The following RPS6KL1 variants were observed in gnomAD, a reference collection of about 807,000 sequenced individuals.
RPS6KL1 encodes the protein ribosomal protein S6 kinase-like 1.
A neutral mutation model predicts 57.0 loss-of-function variants in RPS6KL1; 41 were observed. The observed-to-expected ratio is 0.72, with a 90% CI of 0.56 to 0.93. RPS6KL1 has a LOEUF of 0.93. Ranked by LOEUF, RPS6KL1 falls within the 40% of genes least tolerant of loss-of-function variation. The pLI is 0.00. For missense variants in RPS6KL1, 697 were observed against 727.7 expected (o/e 0.96, Z 0.49); for synonymous variants, 287 against 309.7 (o/e 0.93, Z 0.77).
In RPS6KL1 at chr14:74,906,532, C is replaced by T. The variant is rs946588060; in HGVS notation, c.*482G>A. The stretch of plus-strand genomic sequence containing the variant: ...GCTTCTGGTGGAAGAGGCCTACTCG[C>T]TGTGTGACTAAGAGGACTAGCCAGG... On this transcript the variant is annotated 3_prime_UTR_variant, in exon 12 of 12. Coordinates refer to ENST00000557413, the MANE Select transcript of RPS6KL1 (RefSeq NM_031464.5). The T allele has an allele frequency of 1.9e-6, 1 of 517,512 alleles. No homozygotes were observed. The highest frequency in any genetic ancestry group is 5.6e-5 in the East Asian group (1 of 17,984). 32.1% of individuals were successfully genotyped at this position (517,512 alleles called of 1,614,324 possible). A position where few individuals can be genotyped will look rare whatever the true frequency, so the allele number is the denominator to read the frequency against.
intron 3 of RPS6KL1, among the ~76,000 whole-genome samples, 179 bp from the exon 4 acceptor site, chr14:74,920,148 G>A (rs187958554): frequency 2.5e-4 from 38 of 152,330 alleles, no homozygotes; most frequent in African/African-American, 9.1e-4. Context: ...GGGCCAGCCA[G>A]GAAGGAGGAG....
Position 74,922,489 on chromosome 14 carries a change from T to TTGGCAGACGGAATGACTGAG in RPS6KL1, c.-528-24_-528-5dup. The TTGGCAGACGGAATGACTGAG allele has an allele frequency of 3.5e-6, 1 of 284,580 alleles. No homozygotes were observed. The highest frequency in any genetic ancestry group is 5.3e-6 in the Non-Finnish European group (1 of 188,886). 17.6% of individuals were successfully genotyped at this position (284,580 alleles called of 1,614,324 possible). A position where few individuals can be genotyped will look rare whatever the true frequency, so the allele number is the denominator to read the frequency against. ...GCACAGAGCTGGGCTGTAAGAACTG[T>TTGGCAGACGGAATGACTGAG]TGGCAGACGGAATGACTGAGTGGCA... On this transcript the variant is annotated splice_region_variant and splice_polypyrimidine_tract_variant and intron_variant, in intron 1 of 11. Transcript: ENST00000557413.
Position 74,906,999 on chromosome 14 carries a change from AC to A in RPS6KL1, c.*14del. The A allele has an allele frequency of 1.3e-6, 2 of 1,582,334 alleles. No individual in the cohort carries two copies. Among genetic ancestry groups the A allele is most frequent in the Non-Finnish European group, 1.7e-6 (2 of 1,155,360 alleles). On this transcript the variant is annotated 3_prime_UTR_variant, in exon 12 of 12. Transcript: ENST00000557413. ...CCAGACCAGGCCAGCTGCTTCCGTC[AC>A]CCGCTCTGCCCTCTTACCCCACCAG...
At chr14:74,917,936 C>T (rs1296405672) in intron 5 of RPS6KL1, among the ~76,000 whole-genome samples, 3 of 152,020 alleles carry the variant, frequency 2.0e-5, no homozygotes, top group African/African-American at 7.2e-5. Context: ...CTGTGGGAAG[C>T]GGGAAGTGGG....
chr14:74,911,354 G>A lies in RPS6KL1; in HGVS notation c.558C>T (p.Ser186=). 3 of 1,609,336 alleles carry A rather than the reference G, an allele frequency of 1.9e-6. No homozygotes were observed. The highest frequency in any genetic ancestry group is 2.7e-5 in the African/African-American group (2 of 75,016). ...VKSLPRCHMV[S]RERLTIIPHG... is the part of the protein sequence containing the mutation. ...GTGGGATGATGGTCAGCCGCTCCCT[G>A]CTCACCATGTGGCACCTGGGTAGGC... The change falls in exon 7 of 12, where the codon AGC becomes AGT. Residue 186 remains serine (S), a synonymous_variant. Coordinates refer to ENST00000557413, the MANE Select transcript of RPS6KL1 (RefSeq NM_031464.5).
rs1409910557 is a variant in RPS6KL1 at position 74,906,264 on chromosome 14, G to C, written c.*750C>G. The C allele has an allele frequency of 6.3e-6, 2 of 316,596 alleles. No individual in the cohort carries two copies. The highest frequency in any genetic ancestry group is 8.0e-5 in the East Asian group (1 of 12,520). 19.6% of individuals were successfully genotyped at this position (316,596 alleles called of 1,614,324 possible). A position where few individuals can be genotyped will look rare whatever the true frequency, so the allele number is the denominator to read the frequency against. ...CCCCACACAGGCCCACTGGGGAGGA[G>C]GACTCTTGATTCTGGTTTCAGACTT... is the stretch of plus-strand genomic sequence containing the variant. On this transcript the variant is annotated 3_prime_UTR_variant, in exon 12 of 12. Transcript: ENST00000557413.
At position 74,907,601 on chromosome 14, in the gene RPS6KL1, AT is replaced by A. The variant is rs534302839; in HGVS notation, c.1444-72del. On this transcript the variant is annotated intron_variant, in intron 10 of 11. Coordinates refer to ENST00000557413, the MANE Select transcript of RPS6KL1 (RefSeq NM_031464.5). ...CGTCTACACTCCAGTGGCAGCCAGG[AT>A]TTTTTTTCCCCATGTCACAGCCCAT... is the stretch of plus-strand genomic sequence containing the variant. 51 of 1,437,204 alleles carry A rather than the reference AT, an allele frequency of 3.5e-5. No individual in the cohort carries two copies. In the Admixed American group the frequency reaches 5.9e-4, roughly 17 times the overall value. The allele number at this position is 1,437,204 out of a possible 1,614,324, so 89.0% of individuals were successfully genotyped here.
rs893988288 is a variant in RPS6KL1, at chr14:74,905,162, C to G, written c.*1852G>C. The G allele has an allele frequency of 1.1e-4, 17 of 152,170 alleles. No homozygotes were observed. Among genetic ancestry groups the G allele is most frequent in the Non-Finnish European group, 2.2e-4 (15 of 68,032 alleles). 9.4% of individuals were successfully genotyped at this position (152,170 alleles called of 1,614,324 possible). A position where few individuals can be genotyped will look rare whatever the true frequency, so the allele number is the denominator to read the frequency against. ...GAGCTGGGACCCACAGTATTCTAAA[C>G]TCAGGGCCCAACAAAGTGTCAGATG... is the stretch of plus-strand genomic sequence containing the variant. On this transcript the variant is annotated 3_prime_UTR_variant, in exon 12 of 12. Coordinates refer to ENST00000557413, the MANE Select transcript of RPS6KL1 (RefSeq NM_031464.5).
chr14:74,904,084 A>G lies in RPS6KL1; in HGVS notation c.*2930T>C, dbSNP rs1884426435. ...CAACTTAGTTTTATACATTTAATAC[A>G]TTTTAGGGAGACATAAGATACCAGT... On this transcript the variant is annotated 3_prime_UTR_variant, in exon 12 of 12. Transcript: ENST00000557413. 6.6e-6 allele frequency: 1 copy of G among 152,240 alleles called. No homozygotes were observed. Among genetic ancestry groups the G allele is most frequent in the African/African-American group, 2.4e-5 (1 of 41,462 alleles). 9.4% of individuals were successfully genotyped at this position (152,240 alleles called of 1,614,324 possible).
In RPS6KL1 at chr14:74,907,090, A is replaced by T. The variant is rs777658847; in HGVS notation, c.1574T>A (p.Met525Lys). The T allele has an allele frequency of 1.2e-6, 2 of 1,613,704 alleles. No individual in the cohort carries two copies. Among genetic ancestry groups the T allele is most frequent in the Non-Finnish European group, 1.7e-6 (2 of 1,179,854 alleles). The change falls in exon 12 of 12, where the codon ATG becomes AAG. Residue 525 changes from methionine (M) to lysine (K), a missense_variant. By Grantham distance (95) the Met-to-Lys change is moderately conservative. Transcript: ENST00000557413. ...LQFEPTRRLG[M>K]GEGGVSKLKS... ...GAGTTTGCTGACACCACCTTCTCCCATGCCCAGGCGCCGGGTAGGCTCGAA... is the reference window on the plus strand; with the variant it reads ...GAGTTTGCTGACACCACCTTCTCCCTTGCCCAGGCGCCGGGTAGGCTCGAA...
chr14:74,921,754 A>G lies in RPS6KL1; in HGVS notation c.-20-193T>C, dbSNP rs1419454485. The G allele has an allele frequency of 2.9e-6, 4 of 1,360,056 alleles. No homozygotes were observed. The African/African-American group carries it at 4.4e-5, about 15-fold the overall frequency. 84.2% of individuals were successfully genotyped at this position (1,360,056 alleles called of 1,614,324 possible). ...TGGTGGTAATGATAGAATCATAACC[A>G]GCTCAGGATTCTGTTTTCTTTTCTT... On this transcript the variant is annotated intron_variant, in intron 2 of 11. Transcript: ENST00000557413.
In RPS6KL1 at chr14:74,921,466, C is replaced by A; in HGVS notation, c.76G>T (p.Ala26Ser). 6.2e-7 allele frequency: 1 copy of A among 1,614,138 alleles called. No homozygotes were observed. The highest frequency in any genetic ancestry group is 2.2e-5 in the East Asian group (1 of 44,876). ...CGAATCTGCTCCAGGTACACGTGAGCTTGGGACCGTGCTCGTGAGCAAGGC... is the reference window on the plus strand; with the variant it reads ...CGAATCTGCTCCAGGTACACGTGAGATTGGGACCGTGCTCGTGAGCAAGGC... The part of the protein sequence containing the change: ...PEPCSRARSQ[A>S]HVYLEQIRNR... Residue 26 changes from alanine to serine, a missense_variant, in exon 3 of 12, where the codon GCT becomes TCT. Physicochemically the swap from Ala to Ser is moderately conservative, Grantham distance 99. Transcript: ENST00000557413.
chr14:74,908,813 C>CA, intron 10 of RPS6KL1, 37 bp downstream of exon 10: 1 of 1,578,962 alleles, frequency 6.3e-7, no homozygotes, highest in Non-Finnish European at 8.7e-7. Flanking sequence ...CACTCAGTGG[C>CA]ACCCACCAGG....
At position 74,906,743 on chromosome 14, in the gene RPS6KL1, C is replaced by T. The variant is rs768051750; in HGVS notation, c.*271G>A. The stretch of plus-strand genomic sequence containing the variant: ...ACCTTTAACATGGTGAGTCCACATG[C>T]TCAACGGGTCTGTTGACTGATGGGT... On this transcript the variant is annotated 3_prime_UTR_variant, in exon 12 of 12. Transcript: ENST00000557413. 18 of 623,044 alleles carry T rather than the reference C, an allele frequency of 2.9e-5. No homozygotes were observed. The highest frequency in any genetic ancestry group is 2.4e-4 in the African/African-American group (13 of 55,242). The allele number at this position is 623,044 out of a possible 1,614,324, so 38.6% of individuals were successfully genotyped here. A position where few individuals can be genotyped will look rare whatever the true frequency, so the allele number is the denominator to read the frequency against.
Position 74,918,537 on chromosome 14 carries a change from G to A in RPS6KL1, c.459C>T (p.Cys153=). The A allele has an allele frequency of 6.5e-7, 1 of 1,534,086 alleles. No homozygotes were observed. The highest frequency in any genetic ancestry group is 8.7e-7 in the Non-Finnish European group (1 of 1,145,956). Residue 153 remains cysteine, a synonymous_variant, in exon 5 of 12, where the codon TGC becomes TGT. Transcript: ENST00000557413. The stretch of plus-strand genomic sequence containing the variant: ...CCTTCTCGATGACCCCGACCACCCT[G>A]CAGCCCCTCAGCTGCTCCACGGCAG... ...LSSAVEQLRG[C]RVVGVIEKVQ... is the part of the protein sequence containing the mutation.
At chr14:74,910,322 A>G in intron 7 of RPS6KL1, 174 bp from the exon 8 acceptor site, 6 of 600,220 alleles carry the variant, frequency 1.0e-5, no homozygotes, top group Non-Finnish European at 1.6e-5. Flanking sequence ...TCAGCTTAGA[A>G]TGCCCTCTGC....
intron 5 of RPS6KL1, 31 bp downstream of exon 5, chr14:74,918,482 C>G (rs566429143): frequency 6.8e-7 from 1 of 1,464,672 alleles, no homozygotes; most frequent in Non-Finnish European, 9.2e-7. Context: ...ACACTGTCTC[C>G]CTCCTGCAAG....
chr14:74,919,013 T>C lies in RPS6KL1; in HGVS notation c.391-408A>G, dbSNP rs139564944. On this transcript the variant is annotated intron_variant, in intron 4 of 11. Coordinates refer to ENST00000557413, the MANE Select transcript of RPS6KL1 (RefSeq NM_031464.5). ...CAACATGGTGAAACCCTATCTCTAC[T>C]AAAATACAAAAATTAGCCGAGCATG... Among the ~76,000 whole-genome samples, 1,058 of 152,252 alleles carry C rather than the reference T, an allele frequency of 6.9e-3. 12 individuals are homozygous for C. The highest frequency in any genetic ancestry group is 0.024 in the African/African-American group (1,008 of 41,554).
rs1008453478 is a variant in RPS6KL1, at chr14:74,913,830, G to C, written c.484-1989C>G. 3.3e-5 allele frequency among the ~76,000 whole-genome samples: 5 copies of C among 152,356 alleles called. No individual in the cohort carries two copies. In the South Asian group the frequency reaches 1.0e-3, roughly 32 times the overall value. ...TGATTATTACCAGTGTCATCCGAGG[G>C]GAAGCCCACCCTGGCTGTAAAGTGG... On this transcript the variant is annotated intron_variant, in intron 5 of 11. Coordinates refer to ENST00000557413, the MANE Select transcript of RPS6KL1 (RefSeq NM_031464.5).
Sources: allele counts gnomAD v4.1 joint callset (sites outside exome capture counted in the v4.1 genomes callset), GRCh38; gene constraint gnomAD v4.1.1; transcripts MANE v1.5; gene names NCBI Gene and HGNC (gene_info 2026-07-23, HGNC 2026-07-21).